Variants in SLC38A8 observed in about 807,000 individuals in gnomAD.
SLC38A8 encodes solute carrier family 38 member 8, also known as amino acid transporter SLC38A8.
SLC38A8 carries 65 observed loss-of-function variants against 46.0 expected under a neutral mutation model. The ratio of observed to expected loss-of-function variants is 1.41; its 90% CI spans 1.16 to 1.74. SLC38A8 has a LOEUF of 1.74. Among genes scored for constraint, SLC38A8 ranks in the 40% most tolerant of loss-of-function variants. The pLI, the probability that SLC38A8 is intolerant of heterozygous loss-of-function variation, is 0.00. For missense variants in SLC38A8, 998 were observed against 567.9 expected (o/e 1.76, Z -7.70); for synonymous variants, 447 against 243.7 (o/e 1.83, Z -7.77).
chr16:84,010,668 C>T (rs1007975886), intron 10 of SLC38A8, among the ~76,000 whole-genome samples: 6 of 152,096 alleles, frequency 3.9e-5, no homozygotes, highest in African/African-American at 7.2e-5. Context: ...TGCTTGAACC[C>T]GGGAGGCAGA....
chr16:84,015,993 T>C (rs556488881), intron 9 of SLC38A8, among the ~76,000 whole-genome samples: 2 of 152,292 alleles, frequency 1.3e-5, no homozygotes, highest in South Asian at 4.1e-4. Context: ...GCTAGGTAAT[T>C]TATAAAGAAA....
At chr16:84,022,963 C>A in intron 6 of SLC38A8, 74 bp from the exon 7 acceptor site, 1 of 1,072,380 alleles carries the variant, frequency 9.3e-7, no homozygotes, top group South Asian at 1.6e-5. Context: ...AACTCATATC[C>A]AAAAGGCGGG....
chr16:84,014,913 C>G (rs957796977), intron 9 of SLC38A8, among the ~76,000 whole-genome samples: 1 of 151,716 alleles, frequency 6.6e-6, no homozygotes, highest in African/African-American at 2.4e-5. Flanking sequence ...TGTCACCACC[C>G]ACTTACCTGG....
At chr16:84,029,209 A>G (rs1319122256) in intron 6 of SLC38A8, among the ~76,000 whole-genome samples, 1 of 151,900 alleles carries the variant, frequency 6.6e-6, no homozygotes, top group African/African-American at 2.4e-5. Context: ...GGGTCCCCAC[A>G]CTCTACGCGA....
chr16:84,024,546 C>A (rs1474778279), intron 6 of SLC38A8, among the ~76,000 whole-genome samples: 1 of 151,942 alleles, frequency 6.6e-6, no homozygotes, highest in South Asian at 2.1e-4. Context: ...TTTGGGAGGC[C>A]AAGGCGTGTG....
chr16:84,017,469 G>C (rs2085044433), intron 7 of SLC38A8, among the ~76,000 whole-genome samples, 182 bp from the exon 8 acceptor site: 1 of 152,138 alleles, frequency 6.6e-6, no homozygotes, highest in Non-Finnish European at 1.5e-5. Flanking sequence ...TGTGCTCCAG[G>C]GATTCAAGAC....
At chr16:84,013,166 G>T in intron 9 of SLC38A8, 114 bp from the exon 10 acceptor site, 2 of 1,219,666 alleles carry the variant, frequency 1.6e-6, no homozygotes, top group Middle Eastern at 2.5e-4. Flanking sequence ...CCGCCCATGG[G>T]TGCCCCTGGC....
chr16:84,014,321 C>A (rs1597249185), intron 9 of SLC38A8, among the ~76,000 whole-genome samples: 2 of 150,766 alleles, frequency 1.3e-5, no homozygotes, highest in Non-Finnish European at 3.0e-5. Context: ...AGCTGCGTGG[C>A]CACACCCTCA....
At chr16:84,038,331 G>A (rs1429022115) in intron 2 of SLC38A8, among the ~76,000 whole-genome samples, 1 of 151,794 alleles carries the variant, frequency 6.6e-6, no homozygotes, top group Non-Finnish European at 1.5e-5. Context: ...AAATTCAGAT[G>A]TACAGGAAAG....
At chr16:84,034,180 T>C (rs1401485160) in intron 3 of SLC38A8, among the ~76,000 whole-genome samples, 1 of 152,180 alleles carries the variant, frequency 6.6e-6, no homozygotes, top group East Asian at 1.9e-4. Context: ...CTCCAACTTC[T>C]TCCATGGCAG....
Position 84,042,047 on chromosome 16 carries a change from C to G in SLC38A8, c.111G>C (p.Ala37=), listed in dbSNP as rs749320183. 1 of 1,613,922 alleles carries G rather than the reference C, an allele frequency of 6.2e-7. No homozygotes were observed. Among genetic ancestry groups the G allele is most frequent in the Non-Finnish European group, 8.5e-7 (1 of 1,179,986 alleles). ...GGAAGTTGAGCAGGCCAGCTCCCAGCGCGGACTTCATGAGGATGAAGACAG... is the reference window on the plus strand; with the variant it reads ...GGAAGTTGAGCAGGCCAGCTCCCAGGGCGGACTTCATGAGGATGAAGACAG... ...MGAVFILMKS[A]LGAGLLNFPW... The change falls in exon 2 of 11, where the codon GCG becomes GCC. Residue 37 remains alanine (A), a synonymous_variant. Transcript: ENST00000299709.
Position 84,016,593 on chromosome 16 carries a change from A to T in SLC38A8, c.1088T>A (p.Leu363Gln). The T allele has an allele frequency of 6.2e-7, 1 of 1,614,074 alleles. No homozygotes were observed. Among genetic ancestry groups the T allele is most frequent in the Non-Finnish European group, 8.5e-7 (1 of 1,180,030 alleles). Residue 363 changes from leucine to glutamine, a missense_variant, in exon 9 of 11, where the codon CTG becomes CAG. Coordinates refer to ENST00000299709, the MANE Select transcript of SLC38A8 (RefSeq NM_001080442.3). Reference protein sequence around the residue: ...LWVTVTLAMALFMPDLSEIVS... With the variant: ...LWVTVTLAMAQFMPDLSEIVS... ...GATCTCGCTGAGGTCAGGCATAAAC[A>T]GCGCCATGGCGAGCGTCACGGTGAC...
At position 84,009,744 on chromosome 16, in the gene SLC38A8, GC is replaced by G. The variant is rs1183250881; in HGVS notation, c.*39del. On this transcript the variant is annotated 3_prime_UTR_variant, in exon 11 of 11. Coordinates refer to ENST00000299709, the MANE Select transcript of SLC38A8 (RefSeq NM_001080442.3). ...TGCATACAGCAGCCACGTAGGGTCAGCCCCCGGAGGGCCCCTTCCTGCCCGG... is the reference window on the plus strand; with the variant it reads ...TGCATACAGCAGCCACGTAGGGTCAGCCCCGGAGGGCCCCTTCCTGCCCGG... 4.4e-6 allele frequency: 7 copies of G among 1,578,994 alleles called. No homozygotes were observed. Among genetic ancestry groups the G allele is most frequent in the Admixed American group, 1.8e-5 (1 of 56,498 alleles).
At chr16:84,038,709 C>T (rs763827146) in intron 2 of SLC38A8, among the ~76,000 whole-genome samples, 38 of 152,340 alleles carry the variant, frequency 2.5e-4, no homozygotes, top group Admixed American at 7.2e-4. Flanking sequence ...GACGGTGCCA[C>T]GAGTCCCACT....
rs565979673 is a variant in SLC38A8 at position 84,024,825 on chromosome 16, GATT to G, written c.691-1939_691-1937del. Among the ~76,000 whole-genome samples, 6 of 152,108 alleles carry G rather than the reference GATT, an allele frequency of 3.9e-5. 1 individual carries two copies. The South Asian group carries it at 1.2e-3, about 32-fold the overall frequency. On this transcript the variant is annotated intron_variant, in intron 6 of 10. Coordinates refer to ENST00000299709, the MANE Select transcript of SLC38A8 (RefSeq NM_001080442.3). ...CTGCCTCAGCCTTCCGAGTAGCTGG[GATT>G]ACAGGCACGCCCAGCTAATTTTTTA... is the stretch of plus-strand genomic sequence containing the variant.
chr16:84,040,455 G>A lies in SLC38A8; in HGVS notation c.189+1514C>T, dbSNP rs1398973619. ...ACCCAGCCCTGCAGGGCCAGCATCT[G>A]CATTTCAGCAAGATCTGTGTGAAAT... On this transcript the variant is annotated intron_variant, in intron 2 of 10. Transcript: ENST00000299709. Among the ~76,000 whole-genome samples, 3 of 152,206 alleles carry A rather than the reference G, an allele frequency of 2.0e-5. No individual in the cohort carries two copies. The East Asian group carries it at 5.8e-4, about 29-fold the overall frequency.
chr16:84,013,422 G>GTTTTTTTTT (rs369454720), intron 9 of SLC38A8, among the ~76,000 whole-genome samples: 31 of 108,710 alleles, frequency 2.9e-4, no homozygotes, highest in African/African-American at 8.2e-4. Flanking sequence ...TGTTGTGTGT[G>GTTTTTTTTT]TGTTTTTTTT....
intron 10 of SLC38A8, among the ~76,000 whole-genome samples, chr16:84,011,296 C>T (rs1322722998): frequency 2.0e-5 from 3 of 152,126 alleles, no homozygotes; most frequent in South Asian, 2.1e-4. Context: ...GATCAAGGAA[C>T]AAAACAAAAA....
At chr16:84,030,406 G>C (rs998082352) in intron 5 of SLC38A8, among the ~76,000 whole-genome samples, 1 of 152,076 alleles carries the variant, frequency 6.6e-6, no homozygotes, top group Admixed American at 6.5e-5. Flanking sequence ...TCAGTGTACA[G>C]ATCTCAGCAC....
Sources: gnomAD v4.1 joint callset for allele counts (sites outside exome capture counted in the v4.1 genomes callset) on GRCh38, gnomAD v4.1.1 for gene constraint, MANE v1.5 for transcripts, NCBI Gene and HGNC (gene_info 2026-07-23, HGNC 2026-07-21) for gene names.